DAB2IP: variants seen among roughly 807,000 people sequenced by gnomAD.
DAB2IP encodes DAB2 interacting protein, also known as disabled homolog 2-interacting protein.
A neutral mutation model predicts 107.2 loss-of-function variants in DAB2IP; 28 were observed. The ratio of observed to expected loss-of-function variants is 0.26; its 90% confidence interval spans 0.19 to 0.36. The LOEUF (loss-of-function observed/expected upper bound fraction) is 0.36, where lower values mean the gene tolerates loss of function less well. Ranked by LOEUF, DAB2IP falls within the 10% of genes least tolerant of loss-of-function variation. The pLI, the probability that DAB2IP is intolerant of heterozygous loss-of-function variation, is 1.00. For missense variants in DAB2IP, 1,400 were observed against 1,644.7 expected (o/e 0.85, Z 2.57); for synonymous variants, 755 against 706.4 (o/e 1.07, Z -1.09).
Position 121,577,548 on chromosome 9 carries a change from T to C in DAB2IP, c.40+10320T>C, listed in dbSNP as rs543776546. 4.5e-3 allele frequency among the ~76,000 whole-genome samples: 693 copies of C among 152,330 alleles called. 2 individuals are homozygous for C. Among genetic ancestry groups the C allele is most frequent in the Non-Finnish European group, 8.1e-3 (551 of 68,016 alleles). On this transcript the variant is annotated intron_variant, in intron 1 of 16. Transcript: ENST00000259371. Reference sequence around the variant, plus strand: ...GCGTGGGGGGCCCACACTCCTGCTCTGGGGTTCCACAGACTGCACCAGAAA... The same window carrying C: ...GCGTGGGGGGCCCACACTCCTGCTCCGGGGTTCCACAGACTGCACCAGAAA...
chr9:121,744,917 C>T (rs866060739), intron 3 of DAB2IP, among the ~76,000 whole-genome samples: 17 of 152,090 alleles, frequency 1.1e-4, no homozygotes, highest in Admixed American at 5.9e-4. Context: ...TGAGCAGAGG[C>T]GTGCAGTTTA....
In DAB2IP at chr9:121,713,091, A is replaced by G. The variant is rs150434642; in HGVS notation, c.362+13633A>G. The stretch of plus-strand genomic sequence containing the variant: ...TATGTGGCACCTTGTCATTCCCCAC[A>G]TGGCCCTCACACCAGCTAGGAAGGT... On this transcript the variant is annotated intron_variant, in intron 3 of 15. Coordinates refer to ENST00000408936, the Ensembl canonical transcript of DAB2IP. Among the ~76,000 whole-genome samples, 579 of 152,314 alleles carry G rather than the reference A, an allele frequency of 3.8e-3. 7 individuals carry two copies. The highest frequency in any genetic ancestry group is 0.013 in the African/African-American group (560 of 41,584).
intron 1 of DAB2IP, among the ~76,000 whole-genome samples, chr9:121,612,701 C>T (rs984729254): frequency 1.3e-5 from 2 of 152,084 alleles, no homozygotes; most frequent in African/African-American, 2.4e-5. Flanking sequence ...GGGGAAGCCA[C>T]AAATTGGTGA....
intron 1 of DAB2IP, among the ~76,000 whole-genome samples, chr9:121,628,684 C>T (rs144538806): frequency 6.6e-6 from 1 of 152,142 alleles, no homozygotes. Flanking sequence ...TCGGCAGGGG[C>T]AGGGGAGGGA....
chr9:121,684,584 G>T lies in DAB2IP; in HGVS notation c.228+5803G>T, dbSNP rs983779007. ...CAGGCCCCAGCCCCAGCTGTAGAGG[G>T]ACCCGAAGTTTGGGCTGCGGGCTGC... is the stretch of plus-strand genomic sequence containing the variant. On this transcript the variant is annotated intron_variant, in intron 2 of 15. Transcript: ENST00000408936. The surrounding 1 kb of genome is among the most constrained non-coding windows in gnomAD (Gnocchi z 4.0). Among the ~76,000 whole-genome samples, 3 of 152,140 alleles carry T rather than the reference G, an allele frequency of 2.0e-5. No individual in the cohort carries two copies. The highest frequency in any genetic ancestry group is 4.4e-5 in the Non-Finnish European group (3 of 68,020).
chr9:121,673,094 A>G (rs1036853006), intron 1 of DAB2IP, among the ~76,000 whole-genome samples: 2 of 152,154 alleles, frequency 1.3e-5, no homozygotes, highest in African/African-American at 4.8e-5. Context: ...CAAGGACTGG[A>G]GATGACCACT....
intron 10 of DAB2IP, 126 bp from the exon 11 acceptor site, chr9:121,770,420 G>A: frequency 9.5e-7 from 1 of 1,051,292 alleles, no homozygotes; most frequent in Non-Finnish European, 1.4e-6. Flanking sequence ...GCTCTGACTG[G>A]CAGCAGGTGG....
At chr9:121,683,882 A>G (rs1446791937) in intron 2 of DAB2IP, among the ~76,000 whole-genome samples, 2 of 152,188 alleles carry the variant, frequency 1.3e-5, no homozygotes, top group Non-Finnish European at 1.5e-5. Flanking sequence ...ATAGAAGGAA[A>G]CAAGCTAATG....
In DAB2IP at chr9:121,662,745, G is replaced by A. The variant is rs750946387; in HGVS notation, c.124+10846G>A. Among the ~76,000 whole-genome samples the A allele has an allele frequency of 6.6e-6, 1 of 152,192 alleles. No individual in the cohort carries two copies. Among genetic ancestry groups the A allele is most frequent in the Non-Finnish European group, 1.5e-5 (1 of 68,012 alleles). ...TTTACATAGAAGCCTATGCTTCCAAGTGTGTCGAATTGCATTGTGTGTTTA... is the reference window on the plus strand; with the variant it reads ...TTTACATAGAAGCCTATGCTTCCAAATGTGTCGAATTGCATTGTGTGTTTA... On this transcript the variant is annotated intron_variant, in intron 1 of 15. Coordinates refer to ENST00000408936, the Ensembl canonical transcript of DAB2IP. This position sits in a 1 kb window ranked among gnomAD's most constrained non-coding sequence, Gnocchi z 4.6.
intron 3 of DAB2IP, among the ~76,000 whole-genome samples, chr9:121,739,669 C>G (rs760912614): frequency 6.6e-6 from 1 of 152,174 alleles, no homozygotes; most frequent in African/African-American, 2.4e-5. Flanking sequence ...AGGCTCCACG[C>G]TGGACATTTC....
chr9:121,651,221 G>T (rs1397861813), upstream of DAB2IP, among the ~76,000 whole-genome samples: 2 of 152,224 alleles, frequency 1.3e-5, no homozygotes, highest in Non-Finnish European at 1.5e-5. The surrounding 1 kb of genome is among the most constrained non-coding windows in gnomAD (Gnocchi z 5.1). Flanking sequence ...CAACCTGGCT[G>T]GGCCAGGGCC....
Position 121,701,335 on chromosome 9 carries a change from C to T in DAB2IP, c.362+1877C>T, listed in dbSNP as rs1000998699. Among the ~76,000 whole-genome samples, 1 of 152,218 alleles carries T rather than the reference C, an allele frequency of 6.6e-6. No individual in the cohort carries two copies. The highest frequency in any genetic ancestry group is 2.4e-5 in the African/African-American group (1 of 41,464). On this transcript the variant is annotated intron_variant, in intron 3 of 15. Coordinates refer to ENST00000408936, the Ensembl canonical transcript of DAB2IP. The surrounding 1 kb of genome is among the most constrained non-coding windows in gnomAD (Gnocchi z 4.7). ...CCAAGACGACCTCGTGCGGGTCCTG[C>T]CCCACTTGGCCTCAGGTCAGCCTTG...
chr9:121,573,136 G>A (rs943493414), intron 1 of DAB2IP, among the ~76,000 whole-genome samples: 2 of 152,138 alleles, frequency 1.3e-5, no homozygotes, highest in Non-Finnish European at 2.9e-5. Flanking sequence ...GAGTGCAATG[G>A]CGCAATCTCG....
intron 1 of DAB2IP, among the ~76,000 whole-genome samples, chr9:121,642,180 A>C (rs1832379356): frequency 6.6e-6 from 1 of 150,830 alleles, no homozygotes. Context: ...TCCCTGGCTC[A>C]AGCAATCCTC....
chr9:121,774,488 G>C, intron 13 of DAB2IP, 76 bp downstream of exon 13: 15 of 1,465,632 alleles, frequency 1.0e-5, no homozygotes, highest in Admixed American at 2.7e-5. Context: ...CTCTCCCCCA[G>C]GTCCCCCAGC....
chr9:121,766,744 C>G lies in DAB2IP; in HGVS notation c.1697+14C>G. 6.2e-7 allele frequency: 1 copy of G among 1,613,258 alleles called. No homozygotes were observed. ...CAACTTTGCCAAGTGAGTGCCTCCT[C>G]CCTCACCAGGCAGAGTTGGGCAGGG... On this transcript the variant is annotated intron_variant, in intron 9 of 15. Coordinates refer to ENST00000408936, the Ensembl canonical transcript of DAB2IP.
chr9:121,741,124 C>T (rs1339375414), intron 3 of DAB2IP, among the ~76,000 whole-genome samples: 2 of 152,164 alleles, frequency 1.3e-5, no homozygotes, highest in South Asian at 2.1e-4. Context: ...CTCTGATGCT[C>T]GACACCCCCT....
intron 1 of DAB2IP, among the ~76,000 whole-genome samples, chr9:121,603,737 G>A (rs1259110195): frequency 6.6e-6 from 1 of 152,160 alleles, no homozygotes; most frequent in Non-Finnish European, 1.5e-5. Context: ...TTTCTTTTCT[G>A]TAAAGGGGCT....
chr9:121,783,727 A>G (rs1165882056), exon 16 of DAB2IP: 1 of 839,584 alleles, frequency 1.2e-6, no homozygotes, highest in African/African-American at 1.7e-5. Context: ...GCCCCCGGCC[A>G]AGGACCCAGG....
Sources: allele counts gnomAD v4.1 joint callset (sites outside exome capture counted in the v4.1 genomes callset), GRCh38; gene constraint gnomAD v4.1.1; non-coding constraint Gnocchi (gnomAD v3.1); transcripts MANE v1.5; gene names NCBI Gene and HGNC (gene_info 2026-07-23, HGNC 2026-07-21).